The following TEKT5 variants were observed in gnomAD, a reference collection of about 807,000 sequenced individuals.
TEKT5 encodes the protein tektin-5.
A neutral mutation model predicts 48.7 loss-of-function variants in TEKT5; 52 were observed. The observed-to-expected ratio is 1.07, with a 90% CI of 0.86 to 1.35. TEKT5 has a LOEUF of 1.35. TEKT5 is among the 40% of genes most tolerant of loss of function. The pLI, the probability that TEKT5 is intolerant of heterozygous loss-of-function variation, is 0.00. For missense variants in TEKT5, 831 were observed against 641.6 expected (o/e 1.30, Z -3.19); for synonymous variants, 318 against 267.6 (o/e 1.19, Z -1.84).
rs1373146977 is a variant in TEKT5, at chr16:10,677,529, GA to G, written c.864-1349del. 6.9e-5 allele frequency among the ~76,000 whole-genome samples: 10 copies of G among 144,960 alleles called. No homozygotes were observed. The East Asian group carries it at 1.9e-3, about 28-fold the overall frequency. The stretch of plus-strand genomic sequence containing the variant: ...GAAGGCTGAGGCAGGAGAATCACTT[GA>G]ACTGGGAGTCAGAGATTGCAGCGAG... On this transcript the variant is annotated intron_variant, in intron 4 of 6. Coordinates refer to ENST00000283025, the MANE Select transcript of TEKT5 (RefSeq NM_144674.2).
chr16:10,672,536 C>T (rs1898565976), intron 5 of TEKT5, among the ~76,000 whole-genome samples: 1 of 152,148 alleles, frequency 6.6e-6, no homozygotes, highest in East Asian at 1.9e-4. Flanking sequence ...GCAGAGGTTG[C>T]AGTGAGCCGA....
chr16:10,663,362 G>A (rs1898406853), intron 5 of TEKT5, among the ~76,000 whole-genome samples: 1 of 152,240 alleles, frequency 6.6e-6, no homozygotes, highest in African/African-American at 2.4e-5. Flanking sequence ...AGTAGTTCCA[G>A]CCAGCTTTAG....
intron 5 of TEKT5, among the ~76,000 whole-genome samples, chr16:10,674,134 C>G (rs1898599169): frequency 6.6e-6 from 1 of 152,230 alleles, no homozygotes; most frequent in South Asian, 2.1e-4. Context: ...CTTCCTCCAG[C>G]TTCATCCCGG....
At chr16:10,632,801 A>T (rs1897856475) in intron 6 of TEKT5, among the ~76,000 whole-genome samples, 1 of 151,614 alleles carries the variant, frequency 6.6e-6, no homozygotes, top group African/African-American at 2.4e-5. Context: ...GACAGCCTGA[A>T]TCCTATCATC....
chr16:10,690,691 C>T, intron 1 of TEKT5: 1 of 985,404 alleles, frequency 1.0e-6, no homozygotes. Flanking sequence ...TAGCCCTGGG[C>T]CTTACAACTC....
chr16:10,660,795 G>A (rs1898356714), intron 5 of TEKT5, among the ~76,000 whole-genome samples: 1 of 151,768 alleles, frequency 6.6e-6, no homozygotes, highest in Non-Finnish European at 1.5e-5. Flanking sequence ...CCACCTCCTG[G>A]GTTCAAGAGA....
chr16:10,669,499 G>A (rs1457071615), intron 5 of TEKT5, among the ~76,000 whole-genome samples: 1 of 152,134 alleles, frequency 6.6e-6, no homozygotes, highest in Non-Finnish European at 1.5e-5. Flanking sequence ...GGTGTTAAAA[G>A]AGGTAAGGAA....
intron 5 of TEKT5, among the ~76,000 whole-genome samples, chr16:10,641,780 C>T (rs1897997467): frequency 6.6e-6 from 1 of 152,198 alleles, no homozygotes; most frequent in Non-Finnish European, 1.5e-5. Flanking sequence ...TGAGATCACG[C>T]CACTGCACCC....
chr16:10,640,724 T>C (rs1897982284), intron 5 of TEKT5, among the ~76,000 whole-genome samples: 1 of 151,686 alleles, frequency 6.6e-6, no homozygotes, highest in Non-Finnish European at 1.5e-5. Context: ...AGTATATATA[T>C]ATTTGTTTTT....
At chr16:10,641,358 ATGG>A (rs1897992569) in intron 5 of TEKT5, among the ~76,000 whole-genome samples, 2 of 152,112 alleles carry the variant, frequency 1.3e-5, no homozygotes, top group African/African-American at 4.8e-5. Context: ...CTCTCCTCCC[ATGG>A]TCCCCAAGCA....
intron 5 of TEKT5, among the ~76,000 whole-genome samples, chr16:10,638,246 C>T (rs1251705479): frequency 6.6e-6 from 1 of 152,154 alleles, no homozygotes; most frequent in Non-Finnish European, 1.5e-5. Flanking sequence ...TGTCCTTGCA[C>T]TTGGCCAACC....
intron 6 of TEKT5, among the ~76,000 whole-genome samples, chr16:10,635,428 G>T (rs2142258599): frequency 6.6e-6 from 1 of 152,136 alleles, no homozygotes; most frequent in East Asian, 1.9e-4. Flanking sequence ...CCACCACCTG[G>T]GAGGCGACCA....
intron 5 of TEKT5, among the ~76,000 whole-genome samples, chr16:10,650,634 A>T (rs1025029407): frequency 6.6e-6 from 1 of 151,730 alleles, no homozygotes; most frequent in African/African-American, 2.4e-5. Flanking sequence ...CTGTAATCCC[A>T]GCACTTTGGG....
chr16:10,674,617 G>GAAAAAAAAAA (rs57583870), intron 5 of TEKT5, among the ~76,000 whole-genome samples: 3 of 74,744 alleles, frequency 4.0e-5, no homozygotes, highest in Non-Finnish European at 7.2e-5. Context: ...GATCATCTCA[G>GAAAAAAAAAA]AAAAAAAAAA....
At chr16:10,656,232 G>A (rs1426000891) in intron 5 of TEKT5, among the ~76,000 whole-genome samples, 1 of 152,068 alleles carries the variant, frequency 6.6e-6, no homozygotes, top group Non-Finnish European at 1.5e-5. Flanking sequence ...CCCAGGTTGA[G>A]AACCACTGCT....
chr16:10,678,356 C>G (rs1296211382), intron 4 of TEKT5, among the ~76,000 whole-genome samples: 1 of 152,162 alleles, frequency 6.6e-6, no homozygotes, highest in Non-Finnish European at 1.5e-5. Context: ...CTCAGCCTCC[C>G]AAAGTGCTGG....
At chr16:10,685,557 A>G (rs913334138) in intron 3 of TEKT5, among the ~76,000 whole-genome samples, 6 of 152,066 alleles carry the variant, frequency 3.9e-5, no homozygotes, top group Non-Finnish European at 8.8e-5. Context: ...TCGGCCTCCC[A>G]AAGTGCTGGG....
At chr16:10,638,123 T>C (rs1049965715) in intron 5 of TEKT5, among the ~76,000 whole-genome samples, 7 of 152,240 alleles carry the variant, frequency 4.6e-5, no homozygotes, top group African/African-American at 1.2e-4. Context: ...GAGTCTTTTA[T>C]ATGATTCTCT....
At chr16:10,640,276 G>T (rs1052573577) in intron 5 of TEKT5, among the ~76,000 whole-genome samples, 2 of 151,956 alleles carry the variant, frequency 1.3e-5, no homozygotes, top group South Asian at 2.1e-4. Flanking sequence ...CTCAGTAGCT[G>T]GGACTACAGG....
Sources: gnomAD v4.1 joint callset for allele counts (sites outside exome capture counted in the v4.1 genomes callset) on GRCh38, gnomAD v4.1.1 for gene constraint, MANE v1.5 for transcripts, NCBI Gene and HGNC (gene_info 2026-07-23, HGNC 2026-07-21) for gene names.